ROBO2: variants seen among roughly 807,000 people sequenced by gnomAD.
The protein encoded by ROBO2 is roundabout homolog 2.
A neutral mutation model predicts 160.8 loss-of-function variants in ROBO2; 53 were observed. The ratio of observed to expected loss-of-function variants is 0.33; its 90% CI spans 0.26 to 0.41. The LOEUF (loss-of-function observed/expected upper bound fraction) is 0.41. Ranked by LOEUF, ROBO2 falls within the 10% of genes least tolerant of loss-of-function variation. ROBO2 has a pLI of 1.00. For missense variants in ROBO2, 1,577 were observed against 1,722.4 expected, an observed-to-expected ratio of 0.92 and a Z score of 1.49; for synonymous variants, 664 against 611.7, an observed-to-expected ratio of 1.09 and a Z score of -1.26.
At chr3:76,494,063 C>A (rs1225280940) in intron 2 of ROBO2, among the ~76,000 whole-genome samples, 1 of 151,960 alleles carries the variant, frequency 6.6e-6, no homozygotes, top group African/African-American at 2.4e-5. Context: ...GCAGCACCAA[C>A]CACAATGGCT....
At chr3:76,818,195 T>G (rs1054331282) in intron 2 of ROBO2, among the ~76,000 whole-genome samples, 1 of 152,030 alleles carries the variant, frequency 6.6e-6, no homozygotes, top group Non-Finnish European at 1.5e-5. Flanking sequence ...CTTGTGGGAG[T>G]AAGGTGGTAT....
At chr3:76,303,304 C>A (rs557100196) in intron 2 of ROBO2, among the ~76,000 whole-genome samples, 2 of 151,920 alleles carry the variant, frequency 1.3e-5, no homozygotes, top group East Asian at 3.9e-4. Flanking sequence ...CGTATGAATT[C>A]TAAAAATATA....
At chr3:77,567,837 A>C (rs1382364962) in intron 12 of ROBO2, among the ~76,000 whole-genome samples, 1 of 152,078 alleles carries the variant, frequency 6.6e-6, no homozygotes, top group Non-Finnish European at 1.5e-5. Flanking sequence ...TAGGTCAAGA[A>C]GAAAACACAA....
chr3:77,472,580 G>A (rs1241798176), intron 2 of ROBO2, among the ~76,000 whole-genome samples: 3 of 152,094 alleles, frequency 2.0e-5, no homozygotes, highest in African/African-American at 7.2e-5. Context: ...GCTCACATAT[G>A]GAAGTGAATA....
At chr3:76,345,543 C>T (rs756997757) in intron 2 of ROBO2, among the ~76,000 whole-genome samples, 5 of 147,862 alleles carry the variant, frequency 3.4e-5, no homozygotes, top group Non-Finnish European at 7.4e-5. Flanking sequence ...TGAAATTTTC[C>T]TTGGGTTCCC....
intron 2 of ROBO2, among the ~76,000 whole-genome samples, chr3:77,396,109 C>T (rs994346032): frequency 6.6e-6 from 1 of 151,516 alleles, no homozygotes; most frequent in African/African-American, 2.4e-5. Flanking sequence ...CACTTGCATC[C>T]ATCCATCCCT....
intron 23 of ROBO2, chr3:77,633,015 A>G (rs543676483): frequency 6.1e-6 from 1 of 164,814 alleles, no homozygotes; most frequent in African/African-American, 2.4e-5. Flanking sequence ...CAGTGATTAA[A>G]ATTACTCAGC....
Position 76,392,700 on chromosome 3 carries a change from T to C in ROBO2, c.109+455098T>C, listed in dbSNP as rs534017221. On this transcript the variant is annotated intron_variant, in intron 2 of 26. Transcript: ENST00000487694. ...ACAATAAAGAATAATAGTCATTTTT[T>C]GTTTTATAGAAGATAGATATGTTAG... Among the ~76,000 whole-genome samples, 46 of 152,330 alleles carry C rather than the reference T, an allele frequency of 3.0e-4. 1 individual carries two copies. In the South Asian group the frequency reaches 9.1e-3, roughly 30 times the overall value.
chr3:76,915,069 T>C (rs2076221312), intron 2 of ROBO2, among the ~76,000 whole-genome samples: 1 of 152,258 alleles, frequency 6.6e-6, no homozygotes. Context: ...AATTTGTTAA[T>C]GTAACACCTT....
At chr3:77,242,569 C>T (rs2089194888) in intron 2 of ROBO2, among the ~76,000 whole-genome samples, 1 of 152,058 alleles carries the variant, frequency 6.6e-6, no homozygotes, top group Non-Finnish European at 1.5e-5. Flanking sequence ...ATAGAGATGA[C>T]ATCACACCAA....
intron 2 of ROBO2, among the ~76,000 whole-genome samples, chr3:76,315,895 G>A (rs1325889721): frequency 6.6e-6 from 1 of 152,074 alleles, no homozygotes; most frequent in African/African-American, 2.4e-5. Context: ...GTGTCGGCCG[G>A]TCTGAGAAAT....
At chr3:76,782,373 A>T (rs2062702238) in intron 2 of ROBO2, among the ~76,000 whole-genome samples, 2 of 150,766 alleles carry the variant, frequency 1.3e-5, no homozygotes, top group Admixed American at 6.6e-5. Context: ...GCTGTTTGAT[A>T]AAAAACTTTT....
At chr3:76,086,546 A>G (rs549057940) in intron 2 of ROBO2, among the ~76,000 whole-genome samples, 2 of 152,170 alleles carry the variant, frequency 1.3e-5, no homozygotes, top group East Asian at 3.9e-4. Context: ...ACAAAATACT[A>G]ATAACTTCCT....
intron 2 of ROBO2, among the ~76,000 whole-genome samples, chr3:77,197,668 C>T (rs928345946): frequency 6.6e-6 from 1 of 152,200 alleles, no homozygotes; most frequent in African/African-American, 2.4e-5. Context: ...TTAGCTTTCT[C>T]TGCTAGACAG....
At chr3:76,806,877 G>C (rs1226367657) in intron 2 of ROBO2, among the ~76,000 whole-genome samples, 8 of 151,898 alleles carry the variant, frequency 5.3e-5, no homozygotes, top group Non-Finnish European at 1.0e-4. Context: ...TATTGTCTTA[G>C]TATCATATTT....
At chr3:77,349,381 C>T (rs1020361968) in intron 2 of ROBO2, among the ~76,000 whole-genome samples, 3 of 152,062 alleles carry the variant, frequency 2.0e-5, no homozygotes, top group African/African-American at 7.2e-5. Context: ...CATTCCACTA[C>T]AATAGGTGCT....
At chr3:76,937,445 G>C (rs1198842742) in intron 2 of ROBO2, among the ~76,000 whole-genome samples, 1 of 151,878 alleles carries the variant, frequency 6.6e-6, no homozygotes, top group African/African-American at 2.4e-5. Context: ...GCTATAATCA[G>C]AGTCTATTAT....
At chr3:76,234,256 T>C (rs900154203) in intron 2 of ROBO2, among the ~76,000 whole-genome samples, 1 of 152,204 alleles carries the variant, frequency 6.6e-6, no homozygotes, top group East Asian at 1.9e-4. Context: ...CTATCATGAA[T>C]AGTGCAGCAA....
intron 2 of ROBO2, among the ~76,000 whole-genome samples, chr3:76,623,068 T>G (rs2089342388): frequency 9.8e-6 from 1 of 102,044 alleles, no homozygotes; most frequent in Admixed American, 1.3e-4. Context: ...ATGTACTATC[T>G]GAAATCTTTC....
Sources: gnomAD v4.1 joint callset for allele counts (sites outside exome capture counted in the v4.1 genomes callset) on GRCh38, gnomAD v4.1.1 for gene constraint, MANE v1.5 for transcripts, NCBI Gene and HGNC (gene_info 2026-07-23, HGNC 2026-07-21) for gene names.